GDAP1: variants seen among roughly 807,000 people sequenced by gnomAD.
The protein encoded by GDAP1 is ganglioside-induced differentiation-associated protein 1.
Under a neutral mutation model 40.1 loss-of-function variants are expected in GDAP1, and 34 were observed. That is an observed-to-expected ratio of 0.85 (90% confidence interval 0.64 to 1.13). The LOEUF (loss-of-function observed/expected upper bound fraction) is 1.13, where lower values mean the gene tolerates loss of function less well. Ranked by LOEUF, GDAP1 falls within the 50% of genes most tolerant of loss-of-function variation. The pLI is 0.00. For synonymous variants in GDAP1, 170 were observed against 157.4 expected (o/e 1.08, Z -0.60); for missense variants, 374 against 433.7 (o/e 0.86, Z 1.22).
intron 2 of GDAP1, among the ~76,000 whole-genome samples, chr8:74,432,508 T>A (rs763242418): frequency 6.6e-6 from 1 of 152,164 alleles, no homozygotes; most frequent in African/African-American, 2.4e-5. Context: ...TTTGGCGTAG[T>A]CCAAATCTTC....
At chr8:74,414,511 C>G (rs1805754785) in intron 2 of GDAP1, among the ~76,000 whole-genome samples, 1 of 149,762 alleles carries the variant, frequency 6.7e-6, no homozygotes, top group Non-Finnish European at 1.5e-5. Context: ...AATAAAAAAA[C>G]CCACCCCAAG....
rs985461285 is a variant in GDAP1 at position 74,414,363 on chromosome 8, G to A, written c.165+63042G>A. ...GGAGTTATGTGACAAGGGCTTTCAA[G>A]CAACTATTATAACACTACTCGAATA... On this transcript the variant is annotated intron_variant, in intron 2 of 2. Transcript: ENST00000523640. 2.0e-5 allele frequency among the ~76,000 whole-genome samples: 3 copies of A among 150,094 alleles called. 1 individual carries two copies. The highest frequency in any genetic ancestry group is 7.6e-5 in the African/African-American group (3 of 39,422).
downstream of GDAP1, among the ~76,000 whole-genome samples, chr8:74,370,830 A>G (rs1043324443): frequency 2.0e-5 from 3 of 152,268 alleles, no homozygotes; most frequent in African/African-American, 7.2e-5. Context: ...TGGTATGGCC[A>G]TATTAATTTC....
rs1415591286 is a variant in GDAP1, at chr8:74,364,389, G to A, written c.*22G>A. 5 of 1,608,212 alleles carry A rather than the reference G, an allele frequency of 3.1e-6. No individual in the cohort carries two copies. The East Asian group carries it at 6.7e-5, about 22-fold the overall frequency. ...CTAGGTTTGTTGGGATCTTGTCGTG[G>A]CAGCTCATCCAAGCATTTAGCTAGA... On this transcript the variant is annotated 3_prime_UTR_variant, in exon 6 of 6. Transcript: ENST00000220822.
At chr8:74,422,267 CTTTTCTTTTCTT>C (rs1805869099) in intron 2 of GDAP1, among the ~76,000 whole-genome samples, 1 of 129,152 alleles carries the variant, frequency 7.7e-6, no homozygotes, top group African/African-American at 2.8e-5. Context: ...CTTTCTTTTT[CTTTTCTTTTCTT>C]TTTTCTTTTC....
At chr8:74,412,958 T>A (rs1370459560) in intron 2 of GDAP1, among the ~76,000 whole-genome samples, 1 of 143,204 alleles carries the variant, frequency 7.0e-6, no homozygotes, top group Non-Finnish European at 1.5e-5. Context: ...TCCCAGCTAC[T>A]TGGGAGGCTG....
intron 2 of GDAP1, among the ~76,000 whole-genome samples, chr8:74,403,205 T>G (rs1283147317): frequency 2.0e-5 from 3 of 150,182 alleles, no homozygotes; most frequent in East Asian, 3.9e-4. Context: ...CTACACTGGG[T>G]TTTTAAAAAT....
At position 74,363,892 on chromosome 8, in the gene GDAP1, A is replaced by G. The variant is rs144630734; in HGVS notation, c.695-93A>G. ...ATGTCCTTCATCTTTTGCTATACTC[A>G]CACTCACCCTTAAGGGTGAGACCAC... On this transcript the variant is annotated intron_variant, in intron 5 of 5. Coordinates refer to ENST00000220822, the MANE Select transcript of GDAP1 (RefSeq NM_018972.4). 111 of 990,280 alleles carry G rather than the reference A, an allele frequency of 1.1e-4. No homozygotes were observed. In the East Asian group the frequency reaches 2.4e-3, roughly 21 times the overall value. 61.3% of individuals were successfully genotyped at this position (990,280 alleles called of 1,614,324 possible). A position where few individuals can be genotyped will look rare whatever the true frequency, so the allele number is the denominator to read the frequency against.
intron 2 of GDAP1, among the ~76,000 whole-genome samples, chr8:74,461,281 G>A (rs1397614994): frequency 6.6e-6 from 1 of 152,016 alleles, no homozygotes; most frequent in Non-Finnish European, 1.5e-5. Flanking sequence ...ATACTTTCCC[G>A]GGAAAGCAGA....
At chr8:74,388,021 T>C (rs1041034120) in intron 2 of GDAP1, among the ~76,000 whole-genome samples, 3 of 152,198 alleles carry the variant, frequency 2.0e-5, no homozygotes, top group African/African-American at 7.2e-5. Flanking sequence ...AGTGGTGATA[T>C]CCTCTTTATC....
chr8:74,476,167 C>T lies in GDAP1; in HGVS notation c.166-12511C>T, dbSNP rs139295774. ...TTTTCTCCATCCCTTTATTTTGAGCCTATGTGTGTCATTGCATGTGAAATG... is the reference window on the plus strand; with the variant it reads ...TTTTCTCCATCCCTTTATTTTGAGCTTATGTGTGTCATTGCATGTGAAATG... On this transcript the variant is annotated intron_variant, in intron 2 of 2. Transcript: ENST00000523640. 1.4e-3 allele frequency among the ~76,000 whole-genome samples: 214 copies of T among 152,174 alleles called. 1 individual carries two copies. The highest frequency in any genetic ancestry group is 4.9e-3 in the African/African-American group (202 of 41,518).
chr8:74,376,347 C>CTTTTTT (rs374478811), intron 2 of GDAP1, among the ~76,000 whole-genome samples: 1 of 126,998 alleles, frequency 7.9e-6, no homozygotes. Flanking sequence ...TTAGAGGGAT[C>CTTTTTT]TTTTTTTTTT....
chr8:74,439,496 T>G (rs2082792225), intron 2 of GDAP1, among the ~76,000 whole-genome samples: 1 of 152,118 alleles, frequency 6.6e-6, no homozygotes, highest in South Asian at 2.1e-4. Flanking sequence ...TACAATAACA[T>G]AATTACTATA....
At chr8:74,481,933 G>A (rs1395264872) in intron 2 of GDAP1, among the ~76,000 whole-genome samples, 4 of 152,040 alleles carry the variant, frequency 2.6e-5, no homozygotes, top group Non-Finnish European at 5.9e-5. Flanking sequence ...AAAACAATGG[G>A]GATATAGACA....
At chr8:74,350,811 C>T (rs2131494867) in intron 1 of GDAP1, among the ~76,000 whole-genome samples, 1 of 152,286 alleles carries the variant, frequency 6.6e-6, no homozygotes, top group East Asian at 1.9e-4. Context: ...CGAAATGCGA[C>T]AAAAAAGCAT....
chr8:74,422,228 T>C (rs938949990), intron 2 of GDAP1, among the ~76,000 whole-genome samples: 4 of 125,488 alleles, frequency 3.2e-5, no homozygotes, highest in African/African-American at 7.7e-5. Flanking sequence ...TTCTTTCCCT[T>C]CCTTCCTCCC....
intron 2 of GDAP1, among the ~76,000 whole-genome samples, chr8:74,384,756 G>A (rs1810001511): frequency 6.6e-6 from 1 of 152,152 alleles, no homozygotes; most frequent in African/African-American, 2.4e-5. Context: ...TGTCGCCAAC[G>A]AAATGCCATG....
intron 2 of GDAP1, among the ~76,000 whole-genome samples, chr8:74,412,974 G>A (rs1164276514): frequency 7.2e-6 from 1 of 138,432 alleles, no homozygotes; most frequent in Non-Finnish European, 1.5e-5. Flanking sequence ...GGCTGAGGCA[G>A]GAGAATCCCT....
In GDAP1 at chr8:74,446,245, T is replaced by C. The variant is rs140825520; in HGVS notation, c.166-42433T>C. ...TTCATACTTCATCATGTAAATAGCATGGAAAAAGCCCTCATCAGAATTTCT... is the reference window on the plus strand; with the variant it reads ...TTCATACTTCATCATGTAAATAGCACGGAAAAAGCCCTCATCAGAATTTCT... On this transcript the variant is annotated intron_variant, in intron 2 of 2. Coordinates refer to the GDAP1 transcript ENST00000523640. Among the ~76,000 whole-genome samples the C allele has an allele frequency of 6.9e-3, 1,053 of 152,230 alleles. 9 individuals carry two copies. The highest frequency in any genetic ancestry group is 0.024 in the African/African-American group (977 of 41,546).
Sources: gnomAD v4.1 joint callset for allele counts (sites outside exome capture counted in the v4.1 genomes callset) on GRCh38, gnomAD v4.1.1 for gene constraint, MANE v1.5 for transcripts, NCBI Gene and HGNC (gene_info 2026-07-23, HGNC 2026-07-21) for gene names.